KCNQ1: variants seen among roughly 807,000 people sequenced by gnomAD.
The protein encoded by KCNQ1 is potassium voltage-gated channel subfamily KQT member 1.
KCNQ1 carries 49 observed loss-of-function variants against 72.4 expected under a neutral mutation model. The observed-to-expected ratio is 0.68, with a 90% CI of 0.54 to 0.86. KCNQ1 has a LOEUF of 0.86. Ranked by LOEUF, KCNQ1 falls within the 40% of genes least tolerant of loss-of-function variation. The pLI is 0.00. For synonymous variants in KCNQ1, 450 were observed against 412.6 expected (o/e 1.09, Z -1.10); for missense variants, 790 against 945.1 (o/e 0.84, Z 2.15).
In KCNQ1 at chr11:2,510,726, G is replaced by A. The variant is rs529570332; in HGVS notation, c.387-17202G>A. Among the ~76,000 whole-genome samples the A allele has an allele frequency of 3.1e-4, 47 of 152,358 alleles. 1 individual carries two copies. The highest frequency in any genetic ancestry group is 1.1e-3 in the African/African-American group (47 of 41,578). On this transcript the variant is annotated intron_variant, in intron 1 of 15. Coordinates refer to ENST00000155840, the MANE Select transcript of KCNQ1 (RefSeq NM_000218.3). Reference sequence around the variant, plus strand: ...CAGCTGGTCTCTGAGGCCCAGGCCAGATGCTTCTCTGGTTAGCAGCAGATT... The same window carrying A: ...CAGCTGGTCTCTGAGGCCCAGGCCAAATGCTTCTCTGGTTAGCAGCAGATT...
At chr11:2,445,524 T>G (rs777695066) in intron 1 of KCNQ1, 40 bp downstream of exon 1, 2 of 1,577,440 alleles carry the variant, frequency 1.3e-6, no homozygotes, top group Non-Finnish European at 1.7e-6. Flanking sequence ...CGAAGGTGCT[T>G]CCTGAGAGCT....
At chr11:2,650,760 C>T in intron 10 of KCNQ1, 1 of 398,608 alleles carries the variant, frequency 2.5e-6, no homozygotes, top group Non-Finnish European at 4.4e-6. Context: ...TACCCACAGG[C>T]AATTTGAAGG....
Position 2,445,340 on chromosome 11 carries a change from C to G in KCNQ1, c.242C>G (p.Pro81Arg). 6.3e-7 allele frequency: 1 copy of G among 1,590,980 alleles called. No homozygotes were observed. Among genetic ancestry groups the G allele is most frequent in the Non-Finnish European group, 8.5e-7 (1 of 1,176,594 alleles). Residue 81 changes from proline to arginine, a missense_variant, in exon 1 of 16, where the codon CCG becomes CGG. By Grantham distance (103) the Pro-to-Arg change is moderately radical (BLOSUM62 -2). Transcript: ENST00000155840. ...AAPPVASDLG[P>R]RPPVSLDPRV... ...CCCCCAGTTGCCTCCGACCTTGGCC[C>G]GCGGCCGCCGGTGAGCCTAGACCCG...
At chr11:2,560,374 G>C (rs1441955555) in intron 2 of KCNQ1, among the ~76,000 whole-genome samples, 1 of 71,976 alleles carries the variant, frequency 1.4e-5, no homozygotes, top group African/African-American at 6.1e-5. Context: ...CATCCATCTT[G>C]GGGGTACTGG....
chr11:2,481,330 C>T lies in KCNQ1; in HGVS notation c.386+35846C>T, dbSNP rs539043773. On this transcript the variant is annotated intron_variant, in intron 1 of 15. Coordinates refer to ENST00000155840, the MANE Select transcript of KCNQ1 (RefSeq NM_000218.3). The surrounding 1 kb of genome is among the most constrained non-coding windows in gnomAD (Gnocchi z 4.6). Reference sequence around the variant, plus strand: ...AGCCAGAGATGCCAGCTTTTAGTTTCCTGCTAGTCTTTTTCTCGGCGTGTG... The same window carrying T: ...AGCCAGAGATGCCAGCTTTTAGTTTTCTGCTAGTCTTTTTCTCGGCGTGTG... Among the ~76,000 whole-genome samples, 47 of 152,254 alleles carry T rather than the reference C, an allele frequency of 3.1e-4. No individual in the cohort carries two copies. In the South Asian group the frequency reaches 7.5e-3, roughly 24 times the overall value.
chr11:2,709,206 T>G (rs1850962807), intron 11 of KCNQ1, among the ~76,000 whole-genome samples: 1 of 149,510 alleles, frequency 6.7e-6, no homozygotes, highest in Non-Finnish European at 1.5e-5. Flanking sequence ...CCATCTCTCC[T>G]GCACGGCTTC....
chr11:2,699,537 C>T (rs1007878546), intron 11 of KCNQ1: 3 of 359,858 alleles, frequency 8.3e-6, no homozygotes, highest in Non-Finnish European at 1.5e-5. Context: ...GCTGAGGAGG[C>T]CCAGGGAGGA....
chr11:2,569,471 G>C (rs1322879166), intron 2 of KCNQ1, among the ~76,000 whole-genome samples: 1 of 152,206 alleles, frequency 6.6e-6, no homozygotes, highest in Non-Finnish European at 1.5e-5. Flanking sequence ...ATGGGAGCAA[G>C]GCCAGCCACT....
At chr11:2,589,395 G>A (rs1848642004) in intron 10 of KCNQ1, among the ~76,000 whole-genome samples, 1 of 152,228 alleles carries the variant, frequency 6.6e-6, no homozygotes. Flanking sequence ...CACCCCTGCA[G>A]CGGGGGCTGG....
intron 2 of KCNQ1, among the ~76,000 whole-genome samples, chr11:2,545,470 A>T (rs1847890823): frequency 6.6e-6 from 1 of 152,200 alleles, no homozygotes; most frequent in South Asian, 2.1e-4. Flanking sequence ...TATTCAGGTG[A>T]TTGATAATAG....
At position 2,782,160 on chromosome 11, in the gene KCNQ1, C is replaced by G. The variant is rs1346994193; in HGVS notation, c.1794+4123C>G. Among the ~76,000 whole-genome samples, 1 of 152,168 alleles carries G rather than the reference C, an allele frequency of 6.6e-6. No individual in the cohort carries two copies. The highest frequency in any genetic ancestry group is 1.5e-5 in the Non-Finnish European group (1 of 68,032). ...TGGGCAGTTCCCCGAGCTGCACCCCCAGAGCCGCCGTGCTGCTGTTCATCC... is the reference window on the plus strand; with the variant it reads ...TGGGCAGTTCCCCGAGCTGCACCCCGAGAGCCGCCGTGCTGCTGTTCATCC... On this transcript the variant is annotated intron_variant, in intron 15 of 15. Transcript: ENST00000155840. This position sits in a 1 kb window ranked among gnomAD's most constrained non-coding sequence, Gnocchi z 6.1.
rs376918316 is a variant in KCNQ1, at chr11:2,457,832, A to T, written c.386+12348A>T. Among the ~76,000 whole-genome samples, 5 of 151,674 alleles carry T rather than the reference A, an allele frequency of 3.3e-5. No homozygotes were observed. Among genetic ancestry groups the T allele is most frequent in the East Asian group, 3.9e-4 (2 of 5,176 alleles). On this transcript the variant is annotated intron_variant, in intron 1 of 15. Transcript: ENST00000155840. The surrounding 1 kb of genome is among the most constrained non-coding windows in gnomAD (Gnocchi z 5.0). ...CATGGGAGAAAAAAAAAAAAAACAGATGTAAGTTAGAAGAGGTTACGCAAA... is the reference window on the plus strand; with the variant it reads ...CATGGGAGAAAAAAAAAAAAAACAGTTGTAAGTTAGAAGAGGTTACGCAAA...
rs6578271 is a variant in KCNQ1, at chr11:2,543,512, G to A, written c.477+15494G>A. On this transcript the variant is annotated intron_variant, in intron 2 of 15. Coordinates refer to ENST00000155840, the MANE Select transcript of KCNQ1 (RefSeq NM_000218.3). This position sits in a 1 kb window ranked among gnomAD's most constrained non-coding sequence, Gnocchi z 5.6. The stretch of plus-strand genomic sequence containing the variant: ...TGGTGTCAAACTCCTGGCCTCAAGC[G>A]ATCCCCTTGCCTCGGCCTCCCAAAG... Among the ~76,000 whole-genome samples, 40,620 of 152,036 alleles carry A rather than the reference G, an allele frequency of 0.27. 6,080 individuals are homozygous for A. The highest frequency in any genetic ancestry group is 0.4 in the African/African-American group (16,736 of 41,442).
rs1846646998 is a variant in KCNQ1 at position 2,481,315 on chromosome 11, G to A, written c.386+35831G>A. Among the ~76,000 whole-genome samples the A allele has an allele frequency of 6.6e-6, 1 of 152,206 alleles. No individual in the cohort carries two copies. The highest frequency in any genetic ancestry group is 1.5e-5 in the Non-Finnish European group (1 of 68,036). On this transcript the variant is annotated intron_variant, in intron 1 of 15. Coordinates refer to ENST00000155840, the MANE Select transcript of KCNQ1 (RefSeq NM_000218.3). The surrounding 1 kb of genome is among the most constrained non-coding windows in gnomAD (Gnocchi z 4.6). Reference sequence around the variant, plus strand: ...ACTCATCGTACCAAAAGCCAGAGATGCCAGCTTTTAGTTTCCTGCTAGTCT... The same window carrying A: ...ACTCATCGTACCAAAAGCCAGAGATACCAGCTTTTAGTTTCCTGCTAGTCT...
At chr11:2,584,375 GTGTT>G (rs1041940221) in intron 7 of KCNQ1, among the ~76,000 whole-genome samples, 43 of 151,966 alleles carry the variant, frequency 2.8e-4, no homozygotes, top group Non-Finnish European at 4.9e-4. Context: ...GTATGTTAGT[GTGTT>G]TGTGTGTTAG....
chr11:2,514,938 C>G (rs1462889284), intron 1 of KCNQ1, among the ~76,000 whole-genome samples: 1 of 152,220 alleles, frequency 6.6e-6, no homozygotes, highest in Non-Finnish European at 1.5e-5. Context: ...CTCCAGGGCA[C>G]CTGAGGCCTT....
Position 2,462,798 on chromosome 11 carries a change from G to A in KCNQ1, c.386+17314G>A. On this transcript the variant is annotated intron_variant, in intron 1 of 15. Coordinates refer to ENST00000155840, the MANE Select transcript of KCNQ1 (RefSeq NM_000218.3). This position sits in a 1 kb window ranked among gnomAD's most constrained non-coding sequence, Gnocchi z 8.2. ...GGCAGGGAAGGCCTGGAGGTTTGAG[G>A]AGCAGAAAGTAGACCCTTGACCCTC... 6.6e-6 allele frequency among the ~76,000 whole-genome samples: 1 copy of A among 152,146 alleles called. No homozygotes were observed. The highest frequency in any genetic ancestry group is 1.5e-5 in the Non-Finnish European group (1 of 68,026).
In KCNQ1 at chr11:2,671,019, C is replaced by T. The variant is rs231360; in HGVS notation, c.1514+8938C>T. On this transcript the variant is annotated intron_variant, in intron 11 of 15. Coordinates refer to ENST00000155840, the MANE Select transcript of KCNQ1 (RefSeq NM_000218.3). The surrounding 1 kb of genome is among the most constrained non-coding windows in gnomAD (Gnocchi z 4.7). ...GATATGTGGGCCCTGTTAGGGACAA[C>T]GTAGGTGTCCTGGGCAGGGGCTGTA... The T allele has an allele frequency of 0.47, 188,649 of 398,298 alleles. 50,460 individuals are homozygous for T. The highest frequency in any genetic ancestry group is 0.99 in the East Asian group (27,817 of 28,056). 24.7% of individuals were successfully genotyped at this position (398,298 alleles called of 1,614,324 possible).
chr11:2,637,671 T>G (rs1035267543), intron 10 of KCNQ1: 8 of 152,180 alleles, frequency 5.3e-5, no homozygotes, highest in Admixed American at 2.0e-4. Flanking sequence ...TTGATTTGGG[T>G]TGGAATGTTC....
Sources: gnomAD v4.1 joint callset for allele counts (sites outside exome capture counted in the v4.1 genomes callset) on GRCh38, gnomAD v4.1.1 for gene constraint, Gnocchi (gnomAD v3.1) non-coding constraint, MANE v1.5 for transcripts, NCBI Gene and HGNC (gene_info 2026-07-23, HGNC 2026-07-21) for gene names.